The following PTPRN2 variants were observed in gnomAD, a reference collection of about 807,000 sequenced individuals.
PTPRN2 encodes the protein receptor-type tyrosine-protein phosphatase N2.
PTPRN2 carries 74 observed loss-of-function variants against 118.8 expected under a neutral mutation model. That is an observed-to-expected ratio of 0.62 (90% confidence interval 0.52 to 0.76). PTPRN2 has a LOEUF of 0.76. PTPRN2 is among the 30% of genes least tolerant of loss of function. The pLI is 0.00. For synonymous variants in PTPRN2, 641 were observed against 608.0 expected (o/e 1.05, Z -0.80); for missense variants, 1,481 against 1,394.4 (o/e 1.06, Z -0.99).
intron 2 of PTPRN2, among the ~76,000 whole-genome samples, chr7:158,440,665 A>ATGG (rs146483038): frequency 0.49 from 72,312 of 147,510 alleles, 18,022 homozygotes; most frequent in East Asian, 0.66. Context: ...GGTGGTAGTG[A>ATGG]TAGTGACAGG....
At position 158,184,152 on chromosome 7, in the gene PTPRN2, T is replaced by C. The variant is rs192970065; in HGVS notation, c.549+8175A>G. ...TTTTTAAATTTTGACAAAGTTCTAG[T>C]TATCAATTTTTTTTAAGGATTGTGT... On this transcript the variant is annotated intron_variant, in intron 5 of 22. Coordinates refer to ENST00000389418, the MANE Select transcript of PTPRN2 (RefSeq NM_002847.5). Among the ~76,000 whole-genome samples the C allele has an allele frequency of 2.6e-3, 397 of 152,314 alleles. 12 individuals are homozygous for C. The highest frequency in any genetic ancestry group is 0.024 in the Admixed American group (362 of 15,300).
At chr7:158,027,384 G>C (rs1807359007) in intron 11 of PTPRN2, 1 of 152,252 alleles carries the variant, frequency 6.6e-6, no homozygotes. Flanking sequence ...ATGCCAGGAG[G>C]GGCAGATGTG....
At position 157,596,903 on chromosome 7, in the gene PTPRN2, A is replaced by G. The variant is rs933086121; in HGVS notation, c.2419-1588T>C. Among the ~76,000 whole-genome samples the G allele has an allele frequency of 6.6e-6, 1 of 152,258 alleles. No homozygotes were observed. The highest frequency in any genetic ancestry group is 1.5e-5 in the Non-Finnish European group (1 of 68,046). On this transcript the variant is annotated intron_variant, in intron 16 of 22. Coordinates refer to ENST00000389418, the MANE Select transcript of PTPRN2 (RefSeq NM_002847.5). This position sits in a 1 kb window ranked among gnomAD's most constrained non-coding sequence, Gnocchi z 4.2. Reference sequence around the variant, plus strand: ...ACACAGTGAAAAATGAGCAAATTTTAACCCTATGCAATTTTAAGCCAACGC... The same window carrying G: ...ACACAGTGAAAAATGAGCAAATTTTGACCCTATGCAATTTTAAGCCAACGC...
At chr7:158,514,461 A>G (rs1302403147) in intron 1 of PTPRN2, among the ~76,000 whole-genome samples, 2 of 152,156 alleles carry the variant, frequency 1.3e-5, no homozygotes, top group Non-Finnish European at 2.9e-5. Context: ...TTGTGATGCA[A>G]TTAAACCTCT....
At chr7:157,809,665 G>A (rs895233985) in intron 12 of PTPRN2, among the ~76,000 whole-genome samples, 17 of 152,262 alleles carry the variant, frequency 1.1e-4, no homozygotes, top group African/African-American at 3.1e-4. Flanking sequence ...GGAGTGAGGC[G>A]TCTACCTGCC....
intron 12 of PTPRN2, among the ~76,000 whole-genome samples, chr7:157,788,913 C>T (rs889585951): frequency 6.6e-6 from 1 of 152,236 alleles, no homozygotes; most frequent in African/African-American, 2.4e-5. Flanking sequence ...CTGGGGATAG[C>T]TCCCTGGAGC....
chr7:157,955,131 G>A (rs911429877), intron 11 of PTPRN2, among the ~76,000 whole-genome samples: 2 of 152,140 alleles, frequency 1.3e-5, no homozygotes, highest in Admixed American at 6.5e-5. Context: ...CAGGTACCAG[G>A]AGCAGCACAC....
At chr7:158,298,293 T>C (rs1248541908) in intron 3 of PTPRN2, among the ~76,000 whole-genome samples, 1 of 152,216 alleles carries the variant, frequency 6.6e-6, no homozygotes, top group Non-Finnish European at 1.5e-5. Flanking sequence ...CTTTTATTCT[T>C]ATTATGAAAC....
chr7:158,430,158 G>A (rs1037227938), intron 2 of PTPRN2, among the ~76,000 whole-genome samples: 1 of 151,988 alleles, frequency 6.6e-6, no homozygotes, highest in African/African-American at 2.4e-5. Context: ...CACCTGCCTC[G>A]GCCTCCCAAA....
intron 3 of PTPRN2, among the ~76,000 whole-genome samples, chr7:158,313,697 T>C (rs369706701): frequency 6.6e-6 from 1 of 152,232 alleles, no homozygotes; most frequent in Admixed American, 6.5e-5. Context: ...AATGTGGACA[T>C]AGCCTGACAC....
intron 4 of PTPRN2, among the ~76,000 whole-genome samples, chr7:158,200,940 T>A (rs541221953): frequency 6.6e-6 from 1 of 151,974 alleles, no homozygotes; most frequent in South Asian, 2.1e-4. Flanking sequence ...TAAAAATGAA[T>A]AAATAGCGTA....
intron 10 of PTPRN2, among the ~76,000 whole-genome samples, chr7:158,100,285 A>C (rs1815129797): frequency 6.8e-6 from 1 of 146,048 alleles, no homozygotes; most frequent in African/African-American, 2.6e-5. Context: ...GTGTGCCACG[A>C]TTTCTTTATC....
intron 12 of PTPRN2, among the ~76,000 whole-genome samples, chr7:157,867,055 C>T (rs78422218): frequency 2.4e-4 from 17 of 71,726 alleles, no homozygotes; most frequent in African/African-American, 7.5e-4. Flanking sequence ...CACCACCCCG[C>T]CCCTGACGCC....
intron 2 of PTPRN2, among the ~76,000 whole-genome samples, chr7:158,433,809 A>G (rs963123634): frequency 1.3e-5 from 2 of 152,176 alleles, no homozygotes; most frequent in South Asian, 4.1e-4. Context: ...TAATAAAAGC[A>G]TCTAAGGTTA....
intron 3 of PTPRN2, among the ~76,000 whole-genome samples, chr7:158,279,005 A>G (rs1355468694): frequency 6.6e-6 from 1 of 152,196 alleles, no homozygotes; most frequent in Admixed American, 6.5e-5. Flanking sequence ...GGTGAGTGTT[A>G]CAGCTCACAG....
intron 12 of PTPRN2, among the ~76,000 whole-genome samples, chr7:157,691,283 C>A (rs987329198): frequency 6.8e-6 from 1 of 147,418 alleles, no homozygotes; most frequent in Admixed American, 6.8e-5. Context: ...GGAGAGAGAC[C>A]TCGGCCAGAA....
At chr7:157,992,771 TCCA>T (rs1365866832) in intron 11 of PTPRN2, among the ~76,000 whole-genome samples, 423 of 152,324 alleles carry the variant, frequency 2.8e-3, no homozygotes, top group African/African-American at 9.6e-3. Flanking sequence ...TGGACTGTCC[TCCA>T]GAGTCCAGCT....
At chr7:157,766,137 A>C (rs1802466111) in intron 12 of PTPRN2, among the ~76,000 whole-genome samples, 1 of 143,238 alleles carries the variant, frequency 7.0e-6, no homozygotes, top group African/African-American at 2.7e-5. Context: ...CTACTTATCC[A>C]TCATCCACTC....
intron 1 of PTPRN2, among the ~76,000 whole-genome samples, chr7:158,524,586 T>C (rs1198842878): frequency 4.0e-5 from 6 of 151,068 alleles, no homozygotes; most frequent in Middle Eastern, 6.8e-3. Flanking sequence ...CGCTGAGGAG[T>C]GCGAGGAAAG....
Sources: gnomAD v4.1 joint callset for allele counts (sites outside exome capture counted in the v4.1 genomes callset) on GRCh38, gnomAD v4.1.1 for gene constraint, Gnocchi (gnomAD v3.1) non-coding constraint, MANE v1.5 for transcripts, NCBI Gene and HGNC (gene_info 2026-07-23, HGNC 2026-07-21) for gene names.